Variants in IMPG2 observed in about 807,000 individuals in gnomAD.
IMPG2 encodes interphotoreceptor matrix proteoglycan 2, also known as IPM 200.
Under a neutral mutation model 129.2 loss-of-function variants are expected in IMPG2, and 91 were observed. The ratio of observed to expected loss-of-function variants is 0.70; its 90% CI spans 0.59 to 0.84. The LOEUF (loss-of-function observed/expected upper bound fraction) is 0.84, where lower values mean the gene tolerates loss of function less well. IMPG2 is among the 40% of genes least tolerant of loss of function. The pLI is 0.00. For synonymous variants in IMPG2, 510 were observed against 517.7 expected, an observed-to-expected ratio of 0.99 and a Z score of 0.20; for missense variants, 1,430 against 1,461.7, an observed-to-expected ratio of 0.98 and a Z score of 0.35.
intron 4 of IMPG2, among the ~76,000 whole-genome samples, chr3:101,285,943 A>T (rs1366682373): frequency 6.6e-6 from 1 of 152,188 alleles, no homozygotes; most frequent in Non-Finnish European, 1.5e-5. Context: ...ATTCACACAC[A>T]TATATGTACA....
intron 4 of IMPG2, among the ~76,000 whole-genome samples, chr3:101,278,498 A>G (rs1019070401): frequency 2.0e-5 from 3 of 152,188 alleles, no homozygotes; most frequent in African/African-American, 4.8e-5. Context: ...GGAGCTAAAT[A>G]AGAACTGATG....
At chr3:101,312,624 G>A (rs749382003) in intron 2 of IMPG2, among the ~76,000 whole-genome samples, 3 of 151,976 alleles carry the variant, frequency 2.0e-5, no homozygotes, top group Admixed American at 6.6e-5. Context: ...TCCTCATGTA[G>A]TTATAAAGTT....
At chr3:101,259,162 A>T (rs917782139) in intron 9 of IMPG2, among the ~76,000 whole-genome samples, 1 of 152,160 alleles carries the variant, frequency 6.6e-6, no homozygotes, top group Admixed American at 6.5e-5. Flanking sequence ...AATACCACTC[A>T]TCACTCTGGC....
In IMPG2 at chr3:101,275,692, C is replaced by T; in HGVS notation, c.637G>A (p.Glu213Lys). 1 of 1,613,944 alleles carries T rather than the reference C, an allele frequency of 6.2e-7. No individual in the cohort carries two copies. Among genetic ancestry groups the T allele is most frequent in the Non-Finnish European group, 8.5e-7 (1 of 1,179,808 alleles). ...TCCTCTGGCCTTTCCAAGCTGCTCTCTGAGGCACCTTCATAGGCGTCCACC... is the reference window on the plus strand; with the variant it reads ...TCCTCTGGCCTTTCCAAGCTGCTCTTTGAGGCACCTTCATAGGCGTCCACC... ...PEVDAYEGAS[E>K]SSLERPEESI... The change falls in exon 6 of 19, where the codon GAG becomes AAG. Residue 213 changes from glutamate (E) to lysine (K), a missense_variant. By Grantham distance (56) the Glu-to-Lys change is moderately conservative. Transcript: ENST00000193391.
At chr3:101,308,510 G>A (rs902738935) in intron 2 of IMPG2, among the ~76,000 whole-genome samples, 29 of 152,378 alleles carry the variant, frequency 1.9e-4, no homozygotes, top group African/African-American at 6.5e-4. Flanking sequence ...GCAACAGCTT[G>A]AGCATTATGT....
At chr3:101,299,270 T>C (rs1005038611) in intron 3 of IMPG2, among the ~76,000 whole-genome samples, 1 of 152,220 alleles carries the variant, frequency 6.6e-6, no homozygotes, top group East Asian at 1.9e-4. Context: ...CTCAACTTGT[T>C]ATTCTAGTTA....
At chr3:101,286,805 G>T (rs1053822759) in intron 4 of IMPG2, among the ~76,000 whole-genome samples, 6 of 152,178 alleles carry the variant, frequency 3.9e-5, no homozygotes, top group African/African-American at 1.4e-4. Flanking sequence ...TCCAGCTGAT[G>T]CACAGAAAGA....
chr3:101,226,570 T>C lies in IMPG2; in HGVS notation c.*399A>G, dbSNP rs141407519. 198 of 174,964 alleles carry C rather than the reference T, an allele frequency of 1.1e-3. No individual in the cohort carries two copies. Among genetic ancestry groups the C allele is most frequent in the African/African-American group, 4.5e-3 (190 of 42,282 alleles). The allele number at this position is 174,964 out of a possible 1,614,324, so 10.8% of individuals were successfully genotyped here. A position where few individuals can be genotyped will look rare whatever the true frequency, so the allele number is the denominator to read the frequency against. On this transcript the variant is annotated 3_prime_UTR_variant, in exon 19 of 19. Coordinates refer to ENST00000193391, the MANE Select transcript of IMPG2 (RefSeq NM_016247.4). ...AATATGCTCCAAAATATTCCCTTAC[T>C]AAGCCAGACTTCTCCATGGAAGAGT...
intron 15 of IMPG2, among the ~76,000 whole-genome samples, chr3:101,232,373 G>C (rs570876748): frequency 6.6e-6 from 1 of 152,174 alleles, no homozygotes; most frequent in Admixed American, 6.5e-5. Context: ...AAGTAGCTGG[G>C]ATTACAGGTG....
intron 11 of IMPG2, 151 bp downstream of exon 11, chr3:101,253,545 C>G: frequency 1.5e-6 from 1 of 677,518 alleles, no homozygotes; most frequent in Non-Finnish European, 2.6e-6. Flanking sequence ...TACCCATGAG[C>G]TGACAGCTAT....
chr3:101,275,711 G>C lies in IMPG2; in HGVS notation c.618C>G (p.Asp206Glu). The change falls in exon 6 of 19, where the codon GAC becomes GAG. Residue 206 changes from aspartate to glutamate, a missense_variant. Asp to Glu is a conservative substitution (Grantham distance 45). Transcript: ENST00000193391. ...TGCTCTCTGAGGCACCTTCATAGGC[G>C]TCCACCTCTGGATGTGGAACACTGA... is the stretch of plus-strand genomic sequence containing the variant. Reference protein sequence around the residue: ...TTLSVPHPEVDAYEGASESSL... With the variant: ...TTLSVPHPEVEAYEGASESSL... 6.2e-7 allele frequency: 1 copy of C among 1,613,764 alleles called. No individual in the cohort carries two copies. The highest frequency in any genetic ancestry group is 1.3e-5 in the African/African-American group (1 of 75,010).
intron 10 of IMPG2, among the ~76,000 whole-genome samples, chr3:101,256,600 G>C (rs112476473): frequency 0.022 from 3,291 of 152,062 alleles, 113 homozygotes; most frequent in African/African-American, 0.075. Flanking sequence ...CACACACACA[G>C]AGAACTAGGT....
At position 101,319,701 on chromosome 3, in the gene IMPG2, T is replaced by C; in HGVS notation, c.217A>G (p.Arg73Gly). The C allele has an allele frequency of 6.2e-7, 1 of 1,613,750 alleles. No homozygotes were observed. Among genetic ancestry groups the C allele is most frequent in the Non-Finnish European group, 8.5e-7 (1 of 1,179,836 alleles). ...CTCCGCCTTCTGATTAACCACTGTC[T>C]TTCAGTTTCTCTGCGGTCCAGAGGC... is the stretch of plus-strand genomic sequence containing the variant. ...KQPLDRRETE[R>G]QWLIRRRRSI... is the part of the protein sequence containing the mutation. The change falls in exon 2 of 19, where the codon AGA (arginine) becomes GGA (glycine). Residue 73 changes from arginine (R) to glycine (G), a missense_variant. Transcript: ENST00000193391.
rs1706196708 is a variant in IMPG2, at chr3:101,224,196, A to C, written c.*2773T>G. On this transcript the variant is annotated 3_prime_UTR_variant, in exon 19 of 19. Transcript: ENST00000193391. Reference sequence around the variant, plus strand: ...CTTCAGGCCACATAAACGTGAACAAACACCCTTAAACCATTGCAATGGTGA... The same window carrying C: ...CTTCAGGCCACATAAACGTGAACAACCACCCTTAAACCATTGCAATGGTGA... 6.6e-6 allele frequency: 1 copy of C among 152,156 alleles called. No homozygotes were observed. Among genetic ancestry groups the C allele is most frequent in the Non-Finnish European group, 1.5e-5 (1 of 68,044 alleles). The allele number at this position is 152,156 out of a possible 1,614,324, so 9.4% of individuals were successfully genotyped here. A position where few individuals can be genotyped will look rare whatever the true frequency, so the allele number is the denominator to read the frequency against.
Position 101,252,834 on chromosome 3 carries a change from C to T in IMPG2, c.1239+862G>A, listed in dbSNP as rs114269452. Among the ~76,000 whole-genome samples the T allele has an allele frequency of 2.1e-3, 318 of 152,024 alleles. 2 individuals carry two copies. Among genetic ancestry groups the T allele is most frequent in the African/African-American group, 7.1e-3 (293 of 41,466 alleles). On this transcript the variant is annotated intron_variant, in intron 11 of 18. Transcript: ENST00000193391. ...TGAATTTCCATCGCTCCATTAAAGT[C>T]GAGAAACAAGTAATTCAAATAGCTG...
intron 7 of IMPG2, 133 bp downstream of exon 7, chr3:101,273,448 G>T: frequency 2.4e-6 from 2 of 850,236 alleles, no homozygotes; most frequent in Non-Finnish European, 3.7e-6. Context: ...CTGAAGAAAT[G>T]GCTAAGTAAC....
At chr3:101,306,811 A>T (rs1707210223) in intron 2 of IMPG2, among the ~76,000 whole-genome samples, 1 of 152,202 alleles carries the variant, frequency 6.6e-6, no homozygotes, top group African/African-American at 2.4e-5. Context: ...GAATATCTAC[A>T]TCACTTGAGG....
At chr3:101,309,887 G>A (rs2107141599) in intron 2 of IMPG2, among the ~76,000 whole-genome samples, 1 of 152,284 alleles carries the variant, frequency 6.6e-6, no homozygotes, top group South Asian at 2.1e-4. Flanking sequence ...CAACATGGAT[G>A]AATCTCAATG....
Position 101,252,053 on chromosome 3 carries a change from G to T in IMPG2, c.1239+1643C>A, listed in dbSNP as rs560206188. Among the ~76,000 whole-genome samples the T allele has an allele frequency of 1.7e-4, 26 of 152,182 alleles. No homozygotes were observed. In the South Asian group the frequency reaches 5.2e-3, roughly 30 times the overall value. ...CTATTCAAAAAAGAAAGGAGTTGGC[G>T]TCAATGCAAATGAAAGCACTGCAAC... On this transcript the variant is annotated intron_variant, in intron 11 of 18. Coordinates refer to ENST00000193391, the MANE Select transcript of IMPG2 (RefSeq NM_016247.4).
Sources: allele counts gnomAD v4.1 joint callset (sites outside exome capture counted in the v4.1 genomes callset), GRCh38; gene constraint gnomAD v4.1.1; transcripts MANE v1.5; gene names NCBI Gene and HGNC (gene_info 2026-07-23, HGNC 2026-07-21).